Variants in ZFHX3 observed in about 807,000 individuals in gnomAD.
ZFHX3 encodes the protein zinc finger homeobox 3, also known as zinc finger homeobox protein 3.
A neutral mutation model predicts 279.1 loss-of-function variants in ZFHX3; 42 were observed. The ratio of observed to expected loss-of-function variants is 0.15; its 90% CI spans 0.12 to 0.19. The LOEUF (loss-of-function observed/expected upper bound fraction) is 0.19, where lower values mean the gene tolerates loss of function less well. Among genes scored for constraint, ZFHX3 ranks in the 10% least tolerant of loss-of-function variants. The probability of loss-of-function intolerance (pLI) is 1.00; values close to 1 mark genes in which losing one functional copy is unlikely to be tolerated. For missense variants in ZFHX3, 4,981 were observed against 4,754.0 expected (o/e 1.05, Z -1.40); for synonymous variants, 2,293 against 1,957.8 (o/e 1.17, Z -4.52).
intron 2 of ZFHX3, among the ~76,000 whole-genome samples, chr16:73,459,555 A>T (rs747445913): frequency 6.6e-6 from 1 of 151,888 alleles, no homozygotes; most frequent in Non-Finnish European, 1.5e-5. Context: ...TTAAGTAGAG[A>T]TGGGGTTTCA....
chr16:73,271,208 G>A (rs545678814), intron 4 of ZFHX3, among the ~76,000 whole-genome samples: 33 of 152,250 alleles, frequency 2.2e-4, no homozygotes, highest in African/African-American at 6.7e-4. Context: ...ACAAGCCACC[G>A]GGAAAGAGCC....
chr16:73,877,209 G>C lies in ZFHX3; in HGVS notation c.-1608+14442C>G, dbSNP rs548733789. On this transcript the variant is annotated intron_variant, in intron 1 of 17. Transcript: ENST00000641206. Reference sequence around the variant, plus strand: ...GGGTTCGGGGGGTTAGGTCGGGGGGGGGTCCCAGGCACTTGCTTCCTTGAA... The same window carrying C: ...GGGTTCGGGGGGTTAGGTCGGGGGGCGGTCCCAGGCACTTGCTTCCTTGAA... 6.3e-5 allele frequency among the ~76,000 whole-genome samples: 9 copies of C among 142,050 alleles called. No individual in the cohort carries two copies. The East Asian group carries it at 1.4e-3, about 22-fold the overall frequency. 93.2% of individuals were successfully genotyped at this position (142,050 alleles called of 152,430 possible).
chr16:72,975,785 A>G (rs556516335), intron 1 of ZFHX3, among the ~76,000 whole-genome samples: 1 of 152,308 alleles, frequency 6.6e-6, no homozygotes, highest in African/African-American at 2.4e-5. Context: ...CCAACTCAGC[A>G]AAAATGGCAC....
intron 3 of ZFHX3, chr16:73,400,356 C>T (rs2143427874): frequency 6.6e-6 from 1 of 152,210 alleles, no homozygotes; most frequent in Non-Finnish European, 1.5e-5. Context: ...CGGGAGTTTG[C>T]GGGGATATTC....
At chr16:73,762,872 T>C (rs571610355) in intron 1 of ZFHX3, among the ~76,000 whole-genome samples, 1 of 152,052 alleles carries the variant, frequency 6.6e-6, no homozygotes, top group East Asian at 1.9e-4. Context: ...AGCTAATACA[T>C]GCTGGGCTTA....
At chr16:73,218,781 A>G (rs1016123357) in intron 5 of ZFHX3, among the ~76,000 whole-genome samples, 1 of 152,176 alleles carries the variant, frequency 6.6e-6, no homozygotes. Context: ...AAAATAAATA[A>G]ATAAAAAAGT....
intron 1 of ZFHX3, among the ~76,000 whole-genome samples, chr16:73,783,597 T>C (rs1031820110): frequency 2.6e-5 from 4 of 152,212 alleles, no homozygotes; most frequent in African/African-American, 4.8e-5. Context: ...TTCTAGGAAA[T>C]TGATGATTGA....
At chr16:73,447,942 G>A (rs1003960806) in intron 3 of ZFHX3, among the ~76,000 whole-genome samples, 1 of 152,226 alleles carries the variant, frequency 6.6e-6, no homozygotes, top group African/African-American at 2.4e-5. Flanking sequence ...GAGTTGATGT[G>A]AGGTAAAGGA....
In ZFHX3 at chr16:73,424,476, T is replaced by C. The variant is rs78321328; in HGVS notation, c.-1291+31527A>G. Among the ~76,000 whole-genome samples the C allele has an allele frequency of 3.1e-3, 475 of 152,260 alleles. 3 individuals carry two copies. The highest frequency in any genetic ancestry group is 0.011 in the African/African-American group (457 of 41,560). On this transcript the variant is annotated intron_variant, in intron 3 of 17. Transcript: ENST00000641206. ...AGCAGAGCAACTCAACAATCTGGGC[T>C]ACTGATGGTTTTGTTCACAGTACTT... is the stretch of plus-strand genomic sequence containing the variant.
At chr16:73,148,249 C>T (rs1158499782) in intron 5 of ZFHX3, among the ~76,000 whole-genome samples, 3 of 152,190 alleles carry the variant, frequency 2.0e-5, no homozygotes, top group African/African-American at 7.2e-5. Flanking sequence ...AAACGTTTGC[C>T]AGCCCTGACC....
chr16:73,496,447 CTTGAA>C (rs2019143376), intron 2 of ZFHX3, among the ~76,000 whole-genome samples: 1 of 152,202 alleles, frequency 6.6e-6, no homozygotes, highest in Admixed American at 6.5e-5. Context: ...AGGAGAATCG[CTTGAA>C]CTGGGGAGGC....
At chr16:73,278,352 C>A (rs552274931) in intron 4 of ZFHX3, among the ~76,000 whole-genome samples, 1 of 152,106 alleles carries the variant, frequency 6.6e-6, no homozygotes. Flanking sequence ...TAAAGTGTAA[C>A]GATGGAGGAA....
At chr16:73,765,061 G>A (rs777536010) in intron 1 of ZFHX3, among the ~76,000 whole-genome samples, 11 of 152,044 alleles carry the variant, frequency 7.2e-5, no homozygotes. Context: ...CCTCTTCCCC[G>A]AAATGTCTGC....
intron 2 of ZFHX3, among the ~76,000 whole-genome samples, chr16:73,656,031 T>G (rs1039582552): frequency 6.6e-6 from 1 of 152,258 alleles, no homozygotes; most frequent in Non-Finnish European, 1.5e-5. Context: ...TGGAGTATTA[T>G]GCAATGATGA....
At chr16:73,682,897 AGAAAGAAAGAGAAAGAAAGAGAGAAAG>A (rs2053030148) in intron 1 of ZFHX3, among the ~76,000 whole-genome samples, 4 of 20,310 alleles carry the variant, frequency 2.0e-4, no homozygotes, top group African/African-American at 5.9e-4. Context: ...AAAGAAAGAA[AGAAAGAAAGAGAAAGAAAGAGAGAAAG>A]AGAAAGAAAG....
At chr16:72,812,558 G>A (rs1194874183) in intron 5 of ZFHX3, among the ~76,000 whole-genome samples, 4 of 152,194 alleles carry the variant, frequency 2.6e-5, no homozygotes, top group Non-Finnish European at 4.4e-5. Flanking sequence ...GTTCACATGA[G>A]TATCAGCACA....
At chr16:73,522,138 A>G (rs1597368543) in intron 2 of ZFHX3, among the ~76,000 whole-genome samples, 1 of 152,216 alleles carries the variant, frequency 6.6e-6, no homozygotes, top group East Asian at 1.9e-4. Flanking sequence ...ATGGATGTCC[A>G]TTGATTTTGA....
intron 5 of ZFHX3, among the ~76,000 whole-genome samples, chr16:73,176,134 T>C (rs1248606386): frequency 6.6e-6 from 1 of 152,128 alleles, no homozygotes; most frequent in African/African-American, 2.4e-5. Context: ...CTCTAAACCA[T>C]CTAGCACCGT....
At chr16:73,848,542 A>G (rs1460678138) in intron 1 of ZFHX3, among the ~76,000 whole-genome samples, 1 of 152,206 alleles carries the variant, frequency 6.6e-6, no homozygotes, top group Non-Finnish European at 1.5e-5. Context: ...AATCCAATGG[A>G]TTTCTTTACT....
Sources: allele counts gnomAD v4.1 joint callset (sites outside exome capture counted in the v4.1 genomes callset), GRCh38; gene constraint gnomAD v4.1.1; transcripts MANE v1.5; gene names NCBI Gene and HGNC (gene_info 2026-07-23, HGNC 2026-07-21).